CAP2: variants seen among roughly 807,000 people sequenced by gnomAD.
The protein encoded by CAP2 is cyclase associated actin cytoskeleton regulatory protein 2.
Under a neutral mutation model 57.7 loss-of-function variants are expected in CAP2, and 24 were observed. That is an observed-to-expected ratio of 0.42 (90% confidence interval 0.30 to 0.58). The LOEUF is 0.58. CAP2 is among the 20% of genes least tolerant of loss of function. The pLI is 0.22. For synonymous variants in CAP2, 194 were observed against 207.2 expected, an observed-to-expected ratio of 0.94 and a Z score of 0.55; for missense variants, 501 against 590.3, an observed-to-expected ratio of 0.85 and a Z score of 1.57.
chr6:17,531,001 A>T, intron 7 of CAP2: 1 of 1,276,934 alleles, frequency 7.8e-7, no homozygotes, highest in Admixed American at 1.7e-5. Context: ...CGTGGAGAAG[A>T]TAATTTGAAG....
intron 1 of CAP2, among the ~76,000 whole-genome samples, chr6:17,394,993 G>T (rs1009014858): frequency 3.9e-5 from 6 of 152,158 alleles, no homozygotes; most frequent in Admixed American, 6.5e-5. Flanking sequence ...AAGGAAAGGC[G>T]ACTTCTCCAT....
chr6:17,522,707 T>G (rs1762419188), intron 7 of CAP2, among the ~76,000 whole-genome samples: 1 of 152,210 alleles, frequency 6.6e-6, no homozygotes, highest in Non-Finnish European at 1.5e-5. Context: ...AAAGGCAGGT[T>G]GGGGCCAGAT....
chr6:17,432,842 C>A (rs1283075626), intron 3 of CAP2, among the ~76,000 whole-genome samples: 1 of 151,094 alleles, frequency 6.6e-6, no homozygotes, highest in Non-Finnish European at 1.5e-5. Context: ...ACTTCCTTCT[C>A]TCCTTTTGTT....
At chr6:17,468,902 T>A (rs541530030) in intron 4 of CAP2, among the ~76,000 whole-genome samples, 48 of 152,244 alleles carry the variant, frequency 3.2e-4, no homozygotes, top group Non-Finnish European at 5.3e-4. Flanking sequence ...CTTTATTCAC[T>A]GTCCAGAGTC....
chr6:17,408,934 G>A (rs1034118319), intron 1 of CAP2, among the ~76,000 whole-genome samples: 2 of 151,568 alleles, frequency 1.3e-5, no homozygotes, highest in Non-Finnish European at 2.9e-5. Flanking sequence ...CTCCCCAAGT[G>A]CTGGGATTAC....
chr6:17,451,178 T>C (rs1442051855), intron 3 of CAP2, among the ~76,000 whole-genome samples: 2 of 151,702 alleles, frequency 1.3e-5, no homozygotes, highest in Non-Finnish European at 2.9e-5. Flanking sequence ...TCCAAATGAC[T>C]GAGGACCAAG....
At chr6:17,458,727 G>A (rs754214005) in intron 3 of CAP2, among the ~76,000 whole-genome samples, 11 of 152,066 alleles carry the variant, frequency 7.2e-5, no homozygotes, top group Admixed American at 3.3e-4. Flanking sequence ...ATTTACTAGA[G>A]AAGTCAGTCA....
At chr6:17,522,587 G>A (rs1310786245) in intron 7 of CAP2, among the ~76,000 whole-genome samples, 5 of 152,352 alleles carry the variant, frequency 3.3e-5, no homozygotes, top group Middle Eastern at 3.4e-3. Context: ...TAAAGGGAAG[G>A]GCAGTTTTGG....
rs778806530 is a variant in CAP2 at position 17,507,680 on chromosome 6, G to A, written c.484G>A (p.Ala162Thr). ...TCCTTATGTCAAGGAGATGAATGAC[G>A]CTGCCACCTTTTACACTAACAGGGT... ...PGPYVKEMND[A>T]ATFYTNRVLK... is the part of the protein sequence containing the mutation. The change falls in exon 6 of 13, where the codon GCT becomes ACT. Residue 162 changes from alanine (A) to threonine (T), a missense_variant. Transcript: ENST00000229922. 10 of 1,611,154 alleles carry A rather than the reference G, an allele frequency of 6.2e-6. No homozygotes were observed. Among genetic ancestry groups the A allele is most frequent in the Admixed American group, 3.3e-5 (2 of 59,952 alleles).
intron 1 of CAP2, among the ~76,000 whole-genome samples, chr6:17,408,908 A>G (rs556925781): frequency 4.0e-5 from 6 of 150,626 alleles, no homozygotes; most frequent in Non-Finnish European, 8.9e-5. Flanking sequence ...TGACCTTGTG[A>G]TCCGCCAGCC....
At chr6:17,424,202 C>A (rs969215728) in intron 2 of CAP2, among the ~76,000 whole-genome samples, 1 of 152,050 alleles carries the variant, frequency 6.6e-6, no homozygotes, top group African/African-American at 2.4e-5. Context: ...AGATCAAGAC[C>A]ATCCTGGCTA....
intron 11 of CAP2, among the ~76,000 whole-genome samples, chr6:17,544,540 C>G (rs1290977664): frequency 7.0e-6 from 1 of 143,324 alleles, no homozygotes; most frequent in African/African-American, 2.5e-5. Flanking sequence ...ATTATAACTT[C>G]TATCTTTTTT....
chr6:17,422,118 CTAAA>C (rs1174222384), intron 2 of CAP2, among the ~76,000 whole-genome samples: 16 of 152,286 alleles, frequency 1.1e-4, no homozygotes, highest in African/African-American at 3.9e-4. Flanking sequence ...CACTCAATGA[CTAAA>C]TATGTTATCT....
chr6:17,471,826 G>A (rs1761027278), intron 4 of CAP2, among the ~76,000 whole-genome samples: 6 of 96,910 alleles, frequency 6.2e-5, no homozygotes, highest in African/African-American at 1.8e-4. Flanking sequence ...GCCAGACTCC[G>A]TCTCAAAAAA....
At position 17,395,993 on chromosome 6, in the gene CAP2, G is replaced by C. The variant is rs935594851; in HGVS notation, c.-2+2247G>C. On this transcript the variant is annotated intron_variant, in intron 1 of 12. Transcript: ENST00000229922. ...ATAATCCAATTTAAAAATGGGCAAA[G>C]GATCTGAATAGCTATCTCCAAAGAA... Among the ~76,000 whole-genome samples the C allele has an allele frequency of 2.6e-5, 4 of 152,252 alleles. No individual in the cohort carries two copies. In the South Asian group the frequency reaches 8.3e-4, roughly 32 times the overall value.
At chr6:17,506,460 C>A (rs565107394) in intron 4 of CAP2, among the ~76,000 whole-genome samples, 4 of 152,080 alleles carry the variant, frequency 2.6e-5, no homozygotes, top group African/African-American at 9.7e-5. Flanking sequence ...CAAGACCAAC[C>A]TGGCCAACCC....
intron 4 of CAP2, among the ~76,000 whole-genome samples, chr6:17,474,185 C>CTTTTTTTTTTTTTTTTTTTTTTTT (rs544909381): frequency 9.7e-5 from 9 of 93,208 alleles, no homozygotes; most frequent in Admixed American, 1.3e-4. Flanking sequence ...AAAAAACAGT[C>CTTTTTTTTTTTTTTTTTTTTTTTT]TTTTTTTTTT....
At chr6:17,469,745 T>C (rs911009464) in intron 4 of CAP2, among the ~76,000 whole-genome samples, 1 of 152,168 alleles carries the variant, frequency 6.6e-6, no homozygotes, top group African/African-American at 2.4e-5. Flanking sequence ...GTTTATACAA[T>C]CTGAAAAATT....
At position 17,551,469 on chromosome 6, in the gene CAP2, G is replaced by A. The variant is rs1390054404; in HGVS notation, c.1215G>A (p.Met405Ile). The A allele has an allele frequency of 2.5e-6, 4 of 1,601,552 alleles. No homozygotes were observed. Among genetic ancestry groups the A allele is most frequent in the East Asian group, 2.2e-5 (1 of 44,724 alleles). The change falls in exon 12 of 13, where the codon ATG (methionine) becomes ATA (isoleucine). Residue 405 changes from methionine (M) to isoleucine (I), a missense_variant. Physicochemically the swap from Met to Ile is conservative, Grantham distance 10. Transcript: ENST00000229922. ...INSQDIQIQV[M>I]GRVPTISINK... ...GGTATTTTTTCCTATTTCAGGTAAT[G>A]GGGAGAGTGCCAACAATTTCCATTA...
Sources: allele counts gnomAD v4.1 joint callset (sites outside exome capture counted in the v4.1 genomes callset), GRCh38; gene constraint gnomAD v4.1.1; transcripts MANE v1.5; gene names NCBI Gene and HGNC (gene_info 2026-07-23, HGNC 2026-07-21).